SAMD12: variants seen among roughly 807,000 people sequenced by gnomAD.
SAMD12 encodes sterile alpha motif domain containing 12.
A neutral mutation model predicts 15.0 loss-of-function variants in SAMD12; 9 were observed. The observed-to-expected ratio is 0.60, with a 90% CI of 0.36 to 1.05. SAMD12 has a LOEUF of 1.05. Ranked by LOEUF, SAMD12 falls within the 50% of genes least tolerant of loss-of-function variation. SAMD12 has a pLI of 0.01. For synonymous variants in SAMD12, 86 were observed against 90.1 expected, an observed-to-expected ratio of 0.96 and a Z score of 0.25; for missense variants, 230 against 234.2, an observed-to-expected ratio of 0.98 and a Z score of 0.12.
intron 2 of SAMD12, among the ~76,000 whole-genome samples, chr8:118,446,141 G>A (rs970866499): frequency 1.1e-4 from 17 of 151,472 alleles, no homozygotes; most frequent in Non-Finnish European, 2.4e-4. Context: ...AAACTTTTAA[G>A]AGTGCGACAA....
In SAMD12 at chr8:118,621,885, C is replaced by T. The variant is rs969284940; in HGVS notation, c.-69G>A. Reference sequence around the variant, plus strand: ...GGTACTCCTCCTGCCCCGCGCTCCCCCCTTCCTCTCGCTTTCGCCTAAATA... The same window carrying T: ...GGTACTCCTCCTGCCCCGCGCTCCCTCCTTCCTCTCGCTTTCGCCTAAATA... On this transcript the variant is annotated 5_prime_UTR_variant, in exon 1 of 4. Transcript: ENST00000314727. 229 of 1,533,378 alleles carry T rather than the reference C, an allele frequency of 1.5e-4. No homozygotes were observed. The African/African-American group carries it at 3.0e-3, about 20-fold the overall frequency. The allele number at this position is 1,533,378 out of a possible 1,614,324, so 95.0% of individuals were successfully genotyped here.
At chr8:118,253,366 A>G (rs577981683) in intron 4 of SAMD12, among the ~76,000 whole-genome samples, 27 of 152,320 alleles carry the variant, frequency 1.8e-4, no homozygotes, top group Admixed American at 5.9e-4. Flanking sequence ...TACATATTCT[A>G]TACAATTTCT....
chr8:118,232,843 G>A (rs756398827), intron 4 of SAMD12, among the ~76,000 whole-genome samples: 1 of 152,088 alleles, frequency 6.6e-6, no homozygotes, highest in Non-Finnish European at 1.5e-5. Flanking sequence ...CTGTGGCGCC[G>A]GGAGATTTGT....
chr8:118,382,295 G>A (rs1819712867), intron 3 of SAMD12, among the ~76,000 whole-genome samples: 1 of 152,190 alleles, frequency 6.6e-6, no homozygotes, highest in African/African-American at 2.4e-5. Flanking sequence ...AGCTGCTGAG[G>A]CACTGATAAG....
chr8:118,540,194 A>C (rs76284527), intron 2 of SAMD12, among the ~76,000 whole-genome samples: 14,292 of 152,086 alleles, frequency 0.094, 741 homozygotes, highest in South Asian at 0.15. Flanking sequence ...TTGTATTGTC[A>C]CTCATTTTAA....
At chr8:118,150,048 C>A in the SAMD12 span, among the ~76,000 whole-genome samples, 2 of 152,266 alleles carry the variant, frequency 1.3e-5, no homozygotes, top group East Asian at 3.9e-4. Flanking sequence ...TTAATAAAGT[C>A]TGAAGACATT....
At chr8:118,609,275 A>G (rs1828050918) in intron 1 of SAMD12, among the ~76,000 whole-genome samples, 1 of 152,218 alleles carries the variant, frequency 6.6e-6, no homozygotes, top group South Asian at 2.1e-4. Flanking sequence ...CACAAAGGAC[A>G]ACAAACGAAG....
Position 118,586,499 on chromosome 8 carries a change from C to T in SAMD12, c.14-5606G>A, listed in dbSNP as rs1329931870. On this transcript the variant is annotated intron_variant, in intron 1 of 3. Coordinates refer to ENST00000314727, the MANE Select transcript of SAMD12 (RefSeq NM_207506.3). ...CTGTGACTACAGGTGTGCACCACCA[C>T]ACCCAGCTAATTTTTGTATTATTTG... Among the ~76,000 whole-genome samples, 5 of 152,116 alleles carry T rather than the reference C, an allele frequency of 3.3e-5. No homozygotes were observed. The East Asian group carries it at 9.7e-4, about 29-fold the overall frequency.
chr8:118,415,448 GGT>G (rs58176749), intron 3 of SAMD12, among the ~76,000 whole-genome samples: 3,856 of 142,908 alleles, frequency 0.027, 83 homozygotes, highest in African/African-American at 0.055. Flanking sequence ...CTTGTCCTAA[GGT>G]GTGTGTGTGT....
rs139967082 is a variant in SAMD12, at chr8:118,251,192, G to A, written c.434-53460C>T. Among the ~76,000 whole-genome samples, 512 of 152,180 alleles carry A rather than the reference G, an allele frequency of 3.4e-3. 2 individuals are homozygous for A. The highest frequency in any genetic ancestry group is 0.011 in the African/African-American group (457 of 41,520). On this transcript the variant is annotated intron_variant, in intron 4 of 4. Coordinates refer to the SAMD12 transcript ENST00000409003. ...CAGAAATCAGGAAAGGCTTTTTGAG[G>A]GAAGTGATCTATGATTATTACTAAG... is the stretch of plus-strand genomic sequence containing the variant.
intron 1 of SAMD12, among the ~76,000 whole-genome samples, chr8:118,616,089 A>G (rs548174114): frequency 6.6e-6 from 1 of 152,260 alleles, no homozygotes; most frequent in African/African-American, 2.4e-5. Flanking sequence ...CATAATAAAA[A>G]TAAGAAAAAA....
exon 5 of SAMD12, chr8:118,189,657 C>T (rs539801090): frequency 6.6e-6 from 1 of 152,084 alleles, no homozygotes; most frequent in Admixed American, 6.5e-5. Context: ...ATGCCCCCCT[C>T]AACTCTTTTT....
At chr8:118,404,044 T>C (rs772745939) in intron 3 of SAMD12, among the ~76,000 whole-genome samples, 3 of 152,208 alleles carry the variant, frequency 2.0e-5, no homozygotes, top group African/African-American at 7.2e-5. Flanking sequence ...AGTGGTGCGA[T>C]TGATTCTGGC....
rs1823720658 is a variant in SAMD12 at position 118,469,533 on chromosome 8, A to AATATATATT, written c.193-29573_193-29572insAATATATAT. Among the ~76,000 whole-genome samples, 2 of 782 alleles carry AATATATATT rather than the reference A, an allele frequency of 2.6e-3. 1 individual carries two copies. The highest frequency in any genetic ancestry group is 0.056 in the Admixed American group (2 of 36). 0.5% of individuals were successfully genotyped at this position (782 alleles called of 152,430 possible). On this transcript the variant is annotated intron_variant, in intron 2 of 3. Transcript: ENST00000314727. ...TAATATATAATATATATAATATATTATATATATTATATTATTATATATAAT... is the reference window on the plus strand; with the variant it reads ...TAATATATAATATATATAATATATTAATATATATTTATATATTATATTATTATATATAAT...
At chr8:118,547,691 A>T (rs1484076646) in intron 2 of SAMD12, among the ~76,000 whole-genome samples, 2 of 152,212 alleles carry the variant, frequency 1.3e-5, no homozygotes, top group African/African-American at 4.8e-5. Flanking sequence ...ACAGATTATT[A>T]TAGTATACAT....
At chr8:118,555,917 A>T (rs1826516715) in intron 2 of SAMD12, among the ~76,000 whole-genome samples, 1 of 152,224 alleles carries the variant, frequency 6.6e-6, no homozygotes, top group Non-Finnish European at 1.5e-5. Flanking sequence ...TGCACTTAGT[A>T]AAGTGAATTT....
intron 2 of SAMD12, among the ~76,000 whole-genome samples, chr8:118,461,558 C>T (rs1031840587): frequency 1.2e-4 from 18 of 152,054 alleles, no homozygotes; most frequent in Admixed American, 1.1e-3. Flanking sequence ...CATTTTCTTT[C>T]CTTTGTATTT....
At chr8:118,487,454 T>C (rs1292026385) in intron 2 of SAMD12, among the ~76,000 whole-genome samples, 3 of 152,218 alleles carry the variant, frequency 2.0e-5, no homozygotes, top group Non-Finnish European at 1.5e-5. Context: ...CCTAGTCATA[T>C]AAGGTTTAAA....
chr8:118,239,435 A>T (rs1403685810), intron 4 of SAMD12, among the ~76,000 whole-genome samples: 1 of 152,168 alleles, frequency 6.6e-6, no homozygotes, highest in Non-Finnish European at 1.5e-5. Flanking sequence ...CAAAACTACC[A>T]AGACTCTTCT....
Sources: allele counts gnomAD v4.1 joint callset (sites outside exome capture counted in the v4.1 genomes callset), GRCh38; gene constraint gnomAD v4.1.1; transcripts MANE v1.5; gene names NCBI Gene and HGNC (gene_info 2026-07-23, HGNC 2026-07-21).